PTPRT: variants seen among roughly 807,000 people sequenced by gnomAD.
PTPRT encodes the protein receptor-type tyrosine-protein phosphatase T.
Under a neutral mutation model 176.8 loss-of-function variants are expected in PTPRT, and 56 were observed. The observed-to-expected ratio is 0.32, with a 90% CI of 0.26 to 0.40. The LOEUF is 0.40. PTPRT is among the 10% of genes least tolerant of loss of function. The pLI, the probability that PTPRT is intolerant of heterozygous loss-of-function variation, is 1.00. For synonymous variants in PTPRT, 783 were observed against 739.0 expected (o/e 1.06, Z -0.96); for missense variants, 1,540 against 1,908.2 (o/e 0.81, Z 3.60).
Position 42,485,843 on chromosome 20 carries a change from T to C in PTPRT, c.1154-13281A>G, listed in dbSNP as rs117557354. On this transcript the variant is annotated intron_variant, in intron 7 of 30. Transcript: ENST00000373187. ...CTTTATTCTTTGAAATGTACAAGAGTGTCATTAAACTGAAGGAACACTTTC... is the reference window on the plus strand; with the variant it reads ...CTTTATTCTTTGAAATGTACAAGAGCGTCATTAAACTGAAGGAACACTTTC... Among the ~76,000 whole-genome samples the C allele has an allele frequency of 6.0e-3, 916 of 152,210 alleles. 8 individuals are homozygous for C. The highest frequency in any genetic ancestry group is 9.3e-3 in the Non-Finnish European group (635 of 68,018).
Position 42,939,593 on chromosome 20 carries a change from C to T in PTPRT, c.89-53661G>A, listed in dbSNP as rs141877818. On this transcript the variant is annotated intron_variant, in intron 1 of 30. Transcript: ENST00000373187. Reference sequence around the variant, plus strand: ...ACTAAATCCATTGTTTTGTCTTTTTCATTCCTTCATCTACTATTTACTTGA... The same window carrying T: ...ACTAAATCCATTGTTTTGTCTTTTTTATTCCTTCATCTACTATTTACTTGA... Among the ~76,000 whole-genome samples, 869 of 152,106 alleles carry T rather than the reference C, an allele frequency of 5.7e-3. 7 individuals are homozygous for T. Among genetic ancestry groups the T allele is most frequent in the African/African-American group, 0.02 (836 of 41,466 alleles).
At chr20:43,037,872 C>T (rs1986446606) in intron 1 of PTPRT, among the ~76,000 whole-genome samples, 1 of 152,174 alleles carries the variant, frequency 6.6e-6, no homozygotes, top group Non-Finnish European at 1.5e-5. Flanking sequence ...TTCTGTGGGA[C>T]TCTGCGTGAT....
intron 9 of PTPRT, among the ~76,000 whole-genome samples, chr20:42,440,055 C>CAT (rs2059298577): frequency 1.3e-5 from 2 of 152,178 alleles, no homozygotes; most frequent in Non-Finnish European, 1.5e-5. Context: ...TACAGGCATG[C>CAT]GCCACCACAA....
chr20:42,304,182 A>G (rs1275210273), intron 12 of PTPRT, among the ~76,000 whole-genome samples: 1 of 152,138 alleles, frequency 6.6e-6, no homozygotes, highest in East Asian at 1.9e-4. Context: ...TCTTTCAGGC[A>G]GCCAGTGTGT....
intron 2 of PTPRT, among the ~76,000 whole-genome samples, chr20:42,816,284 G>C (rs1420533463): frequency 6.6e-6 from 1 of 152,192 alleles, no homozygotes; most frequent in Non-Finnish European, 1.5e-5. Context: ...TTAAAGGTAG[G>C]AGCATTCTCC....
At chr20:43,022,966 C>A (rs1424847428) in intron 1 of PTPRT, among the ~76,000 whole-genome samples, 1 of 152,180 alleles carries the variant, frequency 6.6e-6, no homozygotes, top group Non-Finnish European at 1.5e-5. Flanking sequence ...GAGTGCCCAG[C>A]CAAGGCAAAA....
intron 7 of PTPRT, among the ~76,000 whole-genome samples, chr20:42,592,824 T>C (rs1468842254): frequency 6.6e-6 from 1 of 152,168 alleles, no homozygotes; most frequent in African/African-American, 2.4e-5. Context: ...CCACTTTAAA[T>C]CAAGGATCTG....
chr20:42,122,368 C>A (rs1410268901), intron 19 of PTPRT, among the ~76,000 whole-genome samples: 1 of 152,114 alleles, frequency 6.6e-6, no homozygotes, highest in Admixed American at 6.5e-5. Context: ...TGTATGCAGG[C>A]CTCTCAGGGG....
At chr20:42,497,230 T>G (rs1003237171) in intron 7 of PTPRT, among the ~76,000 whole-genome samples, 28 of 152,192 alleles carry the variant, frequency 1.8e-4, no homozygotes, top group African/African-American at 6.8e-4. Context: ...ATCATAGATT[T>G]AGCACATCTC....
chr20:42,085,255 T>C (rs1308010311), intron 28 of PTPRT, among the ~76,000 whole-genome samples: 2 of 152,136 alleles, frequency 1.3e-5, no homozygotes, highest in Non-Finnish European at 2.9e-5. Flanking sequence ...CCCCAAGTAG[T>C]GACCAAAGCT....
chr20:42,838,978 T>TACAGGAAA (rs2078230016), intron 2 of PTPRT, among the ~76,000 whole-genome samples: 1 of 152,132 alleles, frequency 6.6e-6, no homozygotes, highest in Non-Finnish European at 1.5e-5. Context: ...GAAACAGGAC[T>TACAGGAAA]CATGTATCTC....
intron 1 of PTPRT, among the ~76,000 whole-genome samples, chr20:43,002,416 T>C (rs1268323974): frequency 6.6e-6 from 1 of 152,346 alleles, no homozygotes; most frequent in Non-Finnish European, 1.5e-5. Flanking sequence ...GCTTTACGCA[T>C]ACTTTGTGTA....
intron 11 of PTPRT, among the ~76,000 whole-genome samples, chr20:42,334,901 T>C (rs2145449077): frequency 6.6e-6 from 1 of 152,338 alleles, no homozygotes; most frequent in South Asian, 2.1e-4. Context: ...ATGTACTCCA[T>C]TTACCTCTTC....
At chr20:42,974,061 A>G (rs1982805523) in intron 1 of PTPRT, among the ~76,000 whole-genome samples, 1 of 152,168 alleles carries the variant, frequency 6.6e-6, no homozygotes, top group African/African-American at 2.4e-5. Context: ...AGTGTCCTTA[A>G]GAGCCACTTG....
chr20:43,075,501 G>A (rs2011252305), intron 1 of PTPRT, among the ~76,000 whole-genome samples: 1 of 152,258 alleles, frequency 6.6e-6, no homozygotes, highest in South Asian at 2.1e-4. Flanking sequence ...CCCACAGGTT[G>A]TTGTTGCATC....
chr20:42,330,375 C>G (rs6016748), intron 11 of PTPRT, among the ~76,000 whole-genome samples: 62,666 of 151,664 alleles, frequency 0.41, 13,768 homozygotes, highest in African/African-American at 0.57. Context: ...GCTTGGGAGG[C>G]TGAGGCAGGA....
intron 15 of PTPRT, among the ~76,000 whole-genome samples, chr20:42,220,855 G>A (rs150867313): frequency 3.3e-5 from 5 of 152,132 alleles, no homozygotes; most frequent in Admixed American, 6.6e-5. Context: ...GACCCCAACC[G>A]TATCCTCTCT....
intron 9 of PTPRT, among the ~76,000 whole-genome samples, chr20:42,400,844 C>G (rs986942303): frequency 6.6e-6 from 1 of 151,702 alleles, no homozygotes; most frequent in Admixed American, 6.6e-5. Context: ...ACCTTGAGGA[C>G]GAGTTAAAGA....
At chr20:42,082,623 GTC>G (rs554122639) in intron 29 of PTPRT, among the ~76,000 whole-genome samples, 9 of 152,316 alleles carry the variant, frequency 5.9e-5, no homozygotes, top group African/African-American at 1.2e-4. Context: ...AAAATGACAG[GTC>G]TCTACTATAC....
Sources: gnomAD v4.1 joint callset for allele counts (sites outside exome capture counted in the v4.1 genomes callset) on GRCh38, gnomAD v4.1.1 for gene constraint, MANE v1.5 for transcripts, NCBI Gene and HGNC (gene_info 2026-07-23, HGNC 2026-07-21) for gene names.